The following TMPRSS3 variants were observed in gnomAD, a reference collection of about 807,000 sequenced individuals.
The protein encoded by TMPRSS3 is transmembrane protease serine 3.
Under a neutral mutation model 59.6 loss-of-function variants are expected in TMPRSS3, and 55 were observed. The ratio of observed to expected loss-of-function variants is 0.92; its 90% CI spans 0.74 to 1.16. The LOEUF (loss-of-function observed/expected upper bound fraction) is 1.16. Among genes scored for constraint, TMPRSS3 ranks in the 50% most tolerant of loss-of-function variants. The pLI, the probability that TMPRSS3 is intolerant of heterozygous loss-of-function variation, is 0.00. For missense variants in TMPRSS3, 596 were observed against 579.4 expected (o/e 1.03, Z -0.29); for synonymous variants, 257 against 237.7 (o/e 1.08, Z -0.75).
intron 1 of TMPRSS3, chr21:42,395,698 C>G: frequency 2.4e-6 from 1 of 421,876 alleles, no homozygotes; most frequent in South Asian, 2.2e-5. Flanking sequence ...AAAGTATGAA[C>G]TTAATTCTGC....
Position 42,372,673 on chromosome 21 carries a change from G to T in TMPRSS3, c.*89C>A, listed in dbSNP as rs772188430. Reference sequence around the variant, plus strand: ...CTCAGAGCTCCAAGGGTGTCTGCTCGTGTGCAGGTTCCTACACGGGAGTCC... The same window carrying T: ...CTCAGAGCTCCAAGGGTGTCTGCTCTTGTGCAGGTTCCTACACGGGAGTCC... On this transcript the variant is annotated 3_prime_UTR_variant, in exon 13 of 13. Coordinates refer to ENST00000644384, the MANE Select transcript of TMPRSS3 (RefSeq NM_001256317.3). 4 of 1,378,106 alleles carry T rather than the reference G, an allele frequency of 2.9e-6. No individual in the cohort carries two copies. The highest frequency in any genetic ancestry group is 2.3e-5 in the South Asian group (2 of 85,934). The allele number at this position is 1,378,106 out of a possible 1,614,324, so 85.4% of individuals were successfully genotyped here. A position where few individuals can be genotyped will look rare whatever the true frequency, so the allele number is the denominator to read the frequency against.
At chr21:42,374,525 G>C (rs1442549251) in intron 12 of TMPRSS3, among the ~76,000 whole-genome samples, 4 of 152,232 alleles carry the variant, frequency 2.6e-5, no homozygotes, top group African/African-American at 9.6e-5. Flanking sequence ...TTTTTAAAAA[G>C]GTCTTTGAGC....
At chr21:42,386,744 T>C (rs1482946917) in intron 5 of TMPRSS3, among the ~76,000 whole-genome samples, 1 of 152,066 alleles carries the variant, frequency 6.6e-6, no homozygotes, top group Non-Finnish European at 1.5e-5. Flanking sequence ...CACTGGGATT[T>C]GAACCCAAGC....
intron 9 of TMPRSS3, among the ~76,000 whole-genome samples, chr21:42,381,652 GCA>G (rs1414505614): frequency 2.6e-5 from 4 of 152,182 alleles, no homozygotes; most frequent in Non-Finnish European, 5.9e-5. Context: ...GGAGAAGGTG[GCA>G]CCAGACAAAG....
intron 5 of TMPRSS3, among the ~76,000 whole-genome samples, chr21:42,386,216 G>C (rs1219972690): frequency 6.6e-6 from 1 of 152,164 alleles, no homozygotes; most frequent in African/African-American, 2.4e-5. Flanking sequence ...TCCTTCCCTT[G>C]TGAAATGAAC....
At chr21:42,379,798 G>A (rs1215994525) in intron 10 of TMPRSS3, among the ~76,000 whole-genome samples, 1 of 152,180 alleles carries the variant, frequency 6.6e-6, no homozygotes, top group Non-Finnish European at 1.5e-5. Context: ...TGGGAGGGTT[G>A]TCTAGGTGGG....
chr21:42,384,554 G>A (rs922235998), intron 6 of TMPRSS3, among the ~76,000 whole-genome samples: 1 of 152,202 alleles, frequency 6.6e-6, no homozygotes, highest in South Asian at 2.1e-4. Flanking sequence ...CATAGTGAAG[G>A]GAAAGGGATC....
At chr21:42,378,304 T>C (rs1480011206) in intron 10 of TMPRSS3, among the ~76,000 whole-genome samples, 3 of 152,164 alleles carry the variant, frequency 2.0e-5, no homozygotes, top group Non-Finnish European at 4.4e-5. Context: ...GCTCAAGTAA[T>C]TGGTGTTGAG....
In TMPRSS3 at chr21:42,390,015, C is replaced by A. The variant is rs747297139; in HGVS notation, c.117G>T (p.Gln39His). The change falls in exon 3 of 13, where the codon CAG becomes CAT. Residue 39 changes from glutamine (Q) to histidine (H), a missense_variant. By Grantham distance (24) the Gln-to-His change is conservative (BLOSUM62 0). Transcript: ENST00000644384. ...VAPDADAVAA[Q>H]ILSLLPLKFF... is the part of the protein sequence containing the mutation. ...ACTTCAATGGCAGCAGTGACAGGATCTGTGCAGCAACAGCATCTGCATCTG... is the reference window on the plus strand; with the variant it reads ...ACTTCAATGGCAGCAGTGACAGGATATGTGCAGCAACAGCATCTGCATCTG... The A allele has an allele frequency of 6.2e-7, 1 of 1,614,138 alleles. No homozygotes were observed. Among genetic ancestry groups the A allele is most frequent in the East Asian group, 2.2e-5 (1 of 44,890 alleles).
At position 42,388,686 on chromosome 21, in the gene TMPRSS3, C is replaced by T. The variant is rs913524141; in HGVS notation, c.323-160G>A. On this transcript the variant is annotated intron_variant, in intron 4 of 12. Coordinates refer to ENST00000644384, the MANE Select transcript of TMPRSS3 (RefSeq NM_001256317.3). This position sits in a 1 kb window ranked among gnomAD's most constrained non-coding sequence, Gnocchi z 5.1. Reference sequence around the variant, plus strand: ...CATCACAGAGCAGTGACTCTGGATCCCTGAGACTTCTCGCTGGTCTCATCT... The same window carrying T: ...CATCACAGAGCAGTGACTCTGGATCTCTGAGACTTCTCGCTGGTCTCATCT... Among the ~76,000 whole-genome samples the T allele has an allele frequency of 1.3e-5, 2 of 152,164 alleles. No individual in the cohort carries two copies. The highest frequency in any genetic ancestry group is 2.9e-5 in the Non-Finnish European group (2 of 68,032).
chr21:42,385,291 C>T, intron 6 of TMPRSS3, 118 bp downstream of exon 6: 1 of 1,459,706 alleles, frequency 6.9e-7, no homozygotes, highest in Non-Finnish European at 9.5e-7. Flanking sequence ...CAACTCCCAC[C>T]TTCCATCTGA....
rs754041925 is a variant in TMPRSS3, at chr21:42,372,626, G to A, written c.*136C>T. On this transcript the variant is annotated 3_prime_UTR_variant, in exon 13 of 13. Transcript: ENST00000644384. ...AATCAGATGGAAGGGTGCCTCTTTCGGGCCTGCTACTGGTGCCGGAACTCA... is the reference window on the plus strand; with the variant it reads ...AATCAGATGGAAGGGTGCCTCTTTCAGGCCTGCTACTGGTGCCGGAACTCA... 4.4e-5 allele frequency: 39 copies of A among 893,894 alleles called. 1 individual carries two copies. In the Middle Eastern group the frequency reaches 2.8e-3, roughly 64 times the overall value. 55.4% of individuals were successfully genotyped at this position (893,894 alleles called of 1,614,324 possible).
Position 42,388,870 on chromosome 21 carries a change from G to C in TMPRSS3, c.322+59C>G, listed in dbSNP as rs531097156. 9.1e-6 allele frequency: 13 copies of C among 1,432,176 alleles called. No individual in the cohort carries two copies. In the East Asian group the frequency reaches 2.9e-4, roughly 32 times the overall value. 88.7% of individuals were successfully genotyped at this position (1,432,176 alleles called of 1,614,324 possible). On this transcript the variant is annotated intron_variant, in intron 4 of 12. Transcript: ENST00000644384. This position sits in a 1 kb window ranked among gnomAD's most constrained non-coding sequence, Gnocchi z 5.1. ...TGGACCCATTTTACAGATGGGAAGG[G>C]TCAGGGTTGGCTTCTGCTGCTTCCT...
Position 42,372,752 on chromosome 21 carries a change from C to T in TMPRSS3, c.*10G>A, listed in dbSNP as rs1180587318. The T allele has an allele frequency of 2.5e-6, 4 of 1,614,040 alleles. No homozygotes were observed. The highest frequency in any genetic ancestry group is 1.7e-6 in the Non-Finnish European group (2 of 1,179,974). On this transcript the variant is annotated 3_prime_UTR_variant, in exon 13 of 13. Transcript: ENST00000644384. Reference sequence around the variant, plus strand: ...TCAGGAACTCAGGTGGCTACTTGTCCCCTTCCTCTTCAGGTTTTTAGGTCT... The same window carrying T: ...TCAGGAACTCAGGTGGCTACTTGTCTCCTTCCTCTTCAGGTTTTTAGGTCT...
intron 9 of TMPRSS3, among the ~76,000 whole-genome samples, chr21:42,380,426 C>T (rs971912579): frequency 4.6e-5 from 7 of 152,098 alleles, no homozygotes; most frequent in Admixed American, 2.0e-4. Context: ...AGCCCTCCAC[C>T]GTCGCAGCGT....
Position 42,383,060 on chromosome 21 carries a change from A to T in TMPRSS3, c.755T>A (p.Ile252Asn). 1 of 1,614,158 alleles carries T rather than the reference A, an allele frequency of 6.2e-7. No individual in the cohort carries two copies. The highest frequency in any genetic ancestry group is 8.5e-7 in the Non-Finnish European group (1 of 1,180,040). The change falls in exon 8 of 13, where the codon ATC (isoleucine) becomes AAC (asparagine). Residue 252 changes from isoleucine to asparagine, a missense_variant. By Grantham distance (149) the Ile-to-Asn change is moderately radical. Coordinates refer to ENST00000644384, the MANE Select transcript of TMPRSS3 (RefSeq NM_001256317.3). ...CGGSVITPLW[I>N]ITAAHCVYDL... ...ATAAACACAGTGTGCAGCAGTGATG[A>T]TCCACAGGGGCGTGATGACAGAGCC...
intron 1 of TMPRSS3, 199 bp downstream of exon 1, chr21:42,395,743 A>G (rs951138266): frequency 2.5e-6 from 1 of 392,182 alleles, no homozygotes; most frequent in Non-Finnish European, 4.9e-6. Flanking sequence ...TGTCCAACCA[A>G]TCTTCAAATC....
intron 6 of TMPRSS3, among the ~76,000 whole-genome samples, chr21:42,384,461 A>G (rs2052591024): frequency 6.6e-6 from 1 of 152,176 alleles, no homozygotes; most frequent in Non-Finnish European, 1.5e-5. Flanking sequence ...CCTTCCCCAG[A>G]GCAATAAAGT....
rs115417274 is a variant in TMPRSS3, at chr21:42,374,716, A to C, written c.1344+1000T>G. Among the ~76,000 whole-genome samples the C allele has an allele frequency of 1.5e-3, 225 of 152,314 alleles. 1 individual carries two copies. Among genetic ancestry groups the C allele is most frequent in the African/African-American group, 5.3e-3 (219 of 41,552 alleles). On this transcript the variant is annotated intron_variant, in intron 12 of 12. Coordinates refer to ENST00000644384, the MANE Select transcript of TMPRSS3 (RefSeq NM_001256317.3). ...GATGCTACAGGGTTGTTCACTTTAA[A>C]ATGGTGAATTGTATGTTATATAAAT...
Sources: allele counts gnomAD v4.1 joint callset (sites outside exome capture counted in the v4.1 genomes callset), GRCh38; gene constraint gnomAD v4.1.1; non-coding constraint Gnocchi (gnomAD v3.1); transcripts MANE v1.5; gene names NCBI Gene and HGNC (gene_info 2026-07-23, HGNC 2026-07-21).